CPVL: variants seen among roughly 807,000 people sequenced by gnomAD.
The protein encoded by CPVL is carboxypeptidase vitellogenic like, also known as probable serine carboxypeptidase CPVL.
CPVL carries 51 observed loss-of-function variants against 63.7 expected under a neutral mutation model. The observed-to-expected ratio is 0.80, with a 90% confidence interval of 0.64 to 1.01. The LOEUF (loss-of-function observed/expected upper bound fraction) is 1.01. CPVL is among the 50% of genes least tolerant of loss of function. CPVL has a pLI of 0.00. For missense variants in CPVL, 530 were observed against 573.1 expected (o/e 0.92, Z 0.77); for synonymous variants, 195 against 206.0 (o/e 0.95, Z 0.46).
At chr7:29,179,455 G>A (rs1456371388) in intron 5 of CPVL, among the ~76,000 whole-genome samples, 1 of 152,176 alleles carries the variant, frequency 6.6e-6, no homozygotes. Context: ...AGAATTTTTT[G>A]ACCACTCTCA....
intron 5 of CPVL, among the ~76,000 whole-genome samples, chr7:29,151,892 G>A (rs1391013197): frequency 1.3e-5 from 2 of 152,238 alleles, no homozygotes; most frequent in African/African-American, 4.8e-5. Context: ...TAGCAAGCAG[G>A]TCATTCACTG....
intron 1 of CPVL, chr7:29,192,296 C>T (rs1782991260): frequency 1.3e-5 from 2 of 152,202 alleles, no homozygotes; most frequent in African/African-American, 4.8e-5. Context: ...ACCCCCGTCC[C>T]TTCATCTGTC....
chr7:29,032,238 A>T (rs1401684356), intron 11 of CPVL, among the ~76,000 whole-genome samples: 1 of 152,078 alleles, frequency 6.6e-6, no homozygotes, highest in Non-Finnish European at 1.5e-5. Context: ...ACATAATTAA[A>T]AAGCCCAGGA....
intron 12 of CPVL, among the ~76,000 whole-genome samples, chr7:28,999,577 G>A (rs1453297194): frequency 6.6e-6 from 1 of 152,114 alleles, no homozygotes; most frequent in Non-Finnish European, 1.5e-5. Flanking sequence ...ACGCACATGC[G>A]CACTCACACA....
intron 12 of CPVL, among the ~76,000 whole-genome samples, chr7:29,016,828 C>A (rs569412274): frequency 4.1e-4 from 62 of 152,278 alleles, no homozygotes; most frequent in African/African-American, 1.4e-3. Context: ...TTGGGCATTC[C>A]AAACCTTATT....
At chr7:29,146,730 G>A, upstream of CPVL, 1 of 1,550,548 alleles carries the variant, frequency 6.4e-7, no homozygotes, top group Non-Finnish European at 8.7e-7. Flanking sequence ...AAGAGCATCG[G>A]CGGGGTGCCA....
chr7:29,145,585 C>G (rs930760771), intron 1 of CPVL, among the ~76,000 whole-genome samples: 1 of 144,386 alleles, frequency 6.9e-6, no homozygotes, highest in African/African-American at 2.7e-5. Context: ...TCACCATAGA[C>G]TTCATCATCA....
chr7:29,129,625 C>G (rs1790469629), intron 1 of CPVL, among the ~76,000 whole-genome samples: 1 of 152,038 alleles, frequency 6.6e-6, no homozygotes, highest in Non-Finnish European at 1.5e-5. Flanking sequence ...TGTGCTACCA[C>G]TCCTGGCTAA....
At chr7:29,112,601 T>C (rs778685546) in intron 3 of CPVL, 103 bp downstream of exon 3, 5 of 710,852 alleles carry the variant, frequency 7.0e-6, no homozygotes, top group Non-Finnish European at 1.2e-5. Flanking sequence ...AAAAAATCTA[T>C]GAGATTTTTT....
intron 11 of CPVL, among the ~76,000 whole-genome samples, chr7:29,047,702 T>G (rs1789760027): frequency 6.6e-6 from 1 of 152,090 alleles, no homozygotes; most frequent in Non-Finnish European, 1.5e-5. Flanking sequence ...CCTGGGAAAT[T>G]TATCACAAAA....
chr7:29,064,589 C>G (rs1423309832), intron 10 of CPVL, among the ~76,000 whole-genome samples: 1 of 152,126 alleles, frequency 6.6e-6, no homozygotes, highest in Non-Finnish European at 1.5e-5. Context: ...TCAATTCACT[C>G]CTTGTTGGTG....
intron 5 of CPVL, among the ~76,000 whole-genome samples, chr7:29,152,634 G>C (rs1209749528): frequency 6.6e-6 from 1 of 151,796 alleles, no homozygotes; most frequent in Admixed American, 6.6e-5. Context: ...AGATCTATCA[G>C]CAAAAAGAAA....
upstream of CPVL, chr7:29,146,841 C>T (rs151181647): frequency 5.0e-4 from 771 of 1,550,864 alleles, 1 homozygote; most frequent in African/African-American, 8.1e-3. Context: ...ATTATTTCTG[C>T]ACTCTAGGAC....
At chr7:29,065,287 A>C (rs2128566293) in intron 10 of CPVL, among the ~76,000 whole-genome samples, 1 of 152,360 alleles carries the variant, frequency 6.6e-6, no homozygotes, top group South Asian at 2.1e-4. Context: ...TTTTTCTCTT[A>C]GTAGAATCTA....
chr7:29,135,553 C>T lies in CPVL; in HGVS notation c.-11+10876G>A, dbSNP rs1022622191. 5.3e-5 allele frequency among the ~76,000 whole-genome samples: 8 copies of T among 151,916 alleles called. No homozygotes were observed. In the East Asian group the frequency reaches 7.8e-4, roughly 15 times the overall value. On this transcript the variant is annotated intron_variant, in intron 1 of 12. Transcript: ENST00000265394. ...TTCACCATGTTGATCAGGCTGGTCT[C>T]GAACTCCTGACCTCGTGATCCACCC...
chr7:29,051,876 A>G (rs1025094446), intron 11 of CPVL, among the ~76,000 whole-genome samples: 1 of 151,314 alleles, frequency 6.6e-6, no homozygotes, highest in African/African-American at 2.4e-5. Flanking sequence ...GAGTGGATAA[A>G]GAAACTGTGG....
chr7:29,091,565 T>C (rs1443689144), intron 6 of CPVL, among the ~76,000 whole-genome samples: 1 of 152,136 alleles, frequency 6.6e-6, no homozygotes, highest in Non-Finnish European at 1.5e-5. Context: ...CCCGTCAGCA[T>C]CTTGGCAAAT....
intron 3 of CPVL, among the ~76,000 whole-genome samples, chr7:29,107,839 C>T (rs1177780485): frequency 1.3e-5 from 2 of 152,242 alleles, no homozygotes; most frequent in African/African-American, 4.8e-5. Flanking sequence ...AGGGAGTGTA[C>T]ATGGCACCAT....
intron 1 of CPVL, among the ~76,000 whole-genome samples, chr7:29,123,631 A>ATATG (rs1789652483): frequency 1.4e-5 from 1 of 73,884 alleles, no homozygotes; most frequent in African/African-American, 1.0e-4. Flanking sequence ...AAAAAAAAAT[A>ATATG]TATATATATA....
Sources: allele counts gnomAD v4.1 joint callset (sites outside exome capture counted in the v4.1 genomes callset), GRCh38; gene constraint gnomAD v4.1.1; transcripts MANE v1.5; gene names NCBI Gene and HGNC (gene_info 2026-07-23, HGNC 2026-07-21).